Variants in RALGAPA1 observed in about 807,000 individuals in gnomAD.
The protein encoded by RALGAPA1 is Ral GTPase activating protein catalytic subunit alpha 1.
In RALGAPA1, 52 loss-of-function variants were observed where a neutral mutation model predicts 269.6. That is an observed-to-expected ratio of 0.19 (90% CI 0.15 to 0.24). The LOEUF is 0.24. RALGAPA1 is among the 10% of genes least tolerant of loss of function. The pLI is 1.00. For synonymous variants in RALGAPA1, 817 were observed against 1,008.3 expected (o/e 0.81, Z 3.60); for missense variants, 1,917 against 3,013.9 (o/e 0.64, Z 8.52).
chr14:35,592,778 A>G (rs1000054288), intron 37 of RALGAPA1, among the ~76,000 whole-genome samples: 1 of 152,234 alleles, frequency 6.6e-6, no homozygotes, highest in Non-Finnish European at 1.5e-5. Flanking sequence ...TTGACGTAGA[A>G]AAAGCATTCA....
rs1050653784 is a variant in RALGAPA1, at chr14:35,688,701, G to C, written c.3710C>G (p.Thr1237Ser). 2 of 1,478,338 alleles carry C rather than the reference G, an allele frequency of 1.4e-6. No homozygotes were observed. Among genetic ancestry groups the C allele is most frequent in the East Asian group, 2.5e-5 (1 of 40,634 alleles). 91.6% of individuals were successfully genotyped at this position (1,478,338 alleles called of 1,614,324 possible). Residue 1237 changes from threonine (T) to serine (S), a missense_variant, in exon 18 of 42, where the codon ACC (threonine) becomes AGC (serine). This residue lies in a region of RALGAPA1 where 615 missense variants were observed against 790.0 expected (regional missense o/e 0.78). Transcript: ENST00000680220. ...TVKESTEIPTTILQKEGIASS... is the reference protein window; with the variant it reads ...TVKESTEIPTSILQKEGIASS... The stretch of plus-strand genomic sequence containing the variant: ...TGCAATTCCTTCTTTTTGTAATATG[G>C]TGGTGGGAATCTCTGTGGATTCCTT...
At chr14:35,762,642 G>T in intron 5 of RALGAPA1, 68 bp downstream of exon 5, 1 of 881,924 alleles carries the variant, frequency 1.1e-6, no homozygotes, top group Non-Finnish European at 1.9e-6. Context: ...GGTAGGAAAA[G>T]TGTTAACAGG....
chr14:35,736,388 C>T (rs989363522), intron 12 of RALGAPA1, among the ~76,000 whole-genome samples: 1 of 152,096 alleles, frequency 6.6e-6, no homozygotes, highest in East Asian at 1.9e-4. Flanking sequence ...TCCTAGACTA[C>T]ATATAAAAAT....
intron 14 of RALGAPA1, chr14:35,723,612 G>C: frequency 6.3e-6 from 1 of 157,696 alleles, no homozygotes; most frequent in Non-Finnish European, 1.4e-5. Context: ...GAACTAAAAA[G>C]CCAAAACCTA....
Position 35,774,991 on chromosome 14 carries a change from T to A in RALGAPA1, c.267+15A>T. The A allele has an allele frequency of 1.3e-6, 2 of 1,524,080 alleles. No homozygotes were observed. Among genetic ancestry groups the A allele is most frequent in the Non-Finnish European group, 1.8e-6 (2 of 1,108,678 alleles). The allele number at this position is 1,524,080 out of a possible 1,614,324, so 94.4% of individuals were successfully genotyped here. A position where few individuals can be genotyped will look rare whatever the true frequency, so the allele number is the denominator to read the frequency against. On this transcript the variant is annotated intron_variant, in intron 3 of 41. Coordinates refer to ENST00000680220, the MANE Select transcript of RALGAPA1 (RefSeq NM_001346249.2). ...ATTTTTGAAAAAGGGAAAAGTTAGGTTCAGAAGCACTTACCTCAAAAATAA... is the reference window on the plus strand; with the variant it reads ...ATTTTTGAAAAAGGGAAAAGTTAGGATCAGAAGCACTTACCTCAAAAATAA...
In RALGAPA1 at chr14:35,572,602, C is replaced by A. The variant is rs1162983623; in HGVS notation, c.7326G>T (p.Met2442Ile). ...FGDVLIVIYP[M>I]KNHMFSIQIM... The stretch of plus-strand genomic sequence containing the variant: ...TCTGAATACTGAACATGTGATTTTT[C>A]ATTGGATATATTACAATAAGGACAT... The change falls in exon 38 of 42, where the codon ATG becomes ATT. Residue 2442 changes from methionine (M) to isoleucine (I), a missense_variant. Coordinates refer to ENST00000680220, the MANE Select transcript of RALGAPA1 (RefSeq NM_001346249.2). The A allele has an allele frequency of 1.9e-6, 3 of 1,606,850 alleles. No homozygotes were observed. The highest frequency in any genetic ancestry group is 2.5e-6 in the Non-Finnish European group (3 of 1,176,824).
chr14:35,610,289 T>A (rs920491582), intron 35 of RALGAPA1, among the ~76,000 whole-genome samples: 7 of 150,578 alleles, frequency 4.6e-5, no homozygotes, highest in Non-Finnish European at 8.9e-5. Context: ...TTTTTTTCTT[T>A]TTTTTTTTTT....
intron 1 of RALGAPA1, among the ~76,000 whole-genome samples, chr14:35,806,865 A>G (rs983583943): frequency 9.2e-5 from 14 of 152,200 alleles, no homozygotes; most frequent in African/African-American, 3.4e-4. Context: ...ACTTTCTCTC[A>G]TTCATTTTCT....
intron 35 of RALGAPA1, among the ~76,000 whole-genome samples, chr14:35,609,307 A>T (rs1487346258): frequency 6.6e-6 from 1 of 152,158 alleles, no homozygotes; most frequent in African/African-American, 2.4e-5. Context: ...TATATTTTTT[A>T]TCCACAATGG....
intron 30 of RALGAPA1, among the ~76,000 whole-genome samples, chr14:35,652,433 A>T (rs1464369653): frequency 6.6e-6 from 1 of 151,088 alleles, no homozygotes; most frequent in Non-Finnish European, 1.5e-5. Flanking sequence ...TTATTTATTT[A>T]TTTTTTTGAG....
intron 1 of RALGAPA1, among the ~76,000 whole-genome samples, chr14:35,792,314 G>A (rs545107977): frequency 3.3e-5 from 5 of 152,054 alleles, no homozygotes; most frequent in Non-Finnish European, 5.9e-5. Flanking sequence ...CTGCCACCAC[G>A]CCCAGCTAAT....
chr14:35,728,471 G>T lies in RALGAPA1; in HGVS notation c.1627C>A (p.Pro543Thr). Residue 543 changes from proline (P) to threonine (T), a missense_variant, in exon 13 of 42, where the codon CCT becomes ACT. By Grantham distance (38) the Pro-to-Thr change is conservative. Around this residue, in one of 11 missense-constraint regions of RALGAPA1, gnomAD observed 462 missense variants for 725.6 expected, o/e 0.64. Coordinates refer to ENST00000680220, the MANE Select transcript of RALGAPA1 (RefSeq NM_001346249.2). ...INSSNIFLLE[P>T]ANEIKNLLDE... Reference sequence around the variant, plus strand: ...AGAAGATTTTTTATTTCATTTGCAGGTTCAAGAAGAAATATATTTGATGAG... The same window carrying T: ...AGAAGATTTTTTATTTCATTTGCAGTTTCAAGAAGAAATATATTTGATGAG... The T allele has an allele frequency of 6.2e-7, 1 of 1,606,390 alleles. No individual in the cohort carries two copies. The highest frequency in any genetic ancestry group is 8.5e-7 in the Non-Finnish European group (1 of 1,177,296).
rs33911524 is a variant in RALGAPA1 at position 35,793,595 on chromosome 14, A to AACACACAC, written c.106+15127_106+15134dup. 1.5e-4 allele frequency among the ~76,000 whole-genome samples: 22 copies of AACACACAC among 150,218 alleles called. 1 individual carries two copies. Among genetic ancestry groups the AACACACAC allele is most frequent in the African/African-American group, 5.1e-4 (21 of 40,944 alleles). On this transcript the variant is annotated intron_variant, in intron 1 of 41. Coordinates refer to ENST00000680220, the MANE Select transcript of RALGAPA1 (RefSeq NM_001346249.2). ...AGAAGAGACATTAGATACACACACA[A>AACACACAC]ACACACACACACACACACAGTGAAT...
At chr14:35,659,292 C>CCTG in intron 27 of RALGAPA1, 96 bp from the exon 28 acceptor site, 1 of 794,012 alleles carries the variant, frequency 1.3e-6, no homozygotes, top group South Asian at 1.9e-5. Context: ...AGTCTTTGTT[C>CCTG]TCATGTATGT....
intron 1 of RALGAPA1, among the ~76,000 whole-genome samples, chr14:35,795,399 A>G (rs896401680): frequency 6.6e-6 from 1 of 152,172 alleles, no homozygotes; most frequent in East Asian, 1.9e-4. Flanking sequence ...TATACTTATG[A>G]GGAAACTACC....
chr14:35,808,177 C>T (rs889272460), intron 1 of RALGAPA1, among the ~76,000 whole-genome samples: 6 of 152,104 alleles, frequency 3.9e-5, no homozygotes, highest in Non-Finnish European at 7.4e-5. Flanking sequence ...ATGAGTTAAA[C>T]TACCTATAAT....
At position 35,595,568 on chromosome 14, in the gene RALGAPA1, C is replaced by T. The variant is rs765824590; in HGVS notation, c.7209+66G>A. 1.8e-4 allele frequency: 239 copies of T among 1,364,162 alleles called. 1 individual carries two copies. Among genetic ancestry groups the T allele is most frequent in the Middle Eastern group, 1.3e-3 (5 of 3,954 alleles). 84.5% of individuals were successfully genotyped at this position (1,364,162 alleles called of 1,614,324 possible). On this transcript the variant is annotated intron_variant, in intron 37 of 41. Coordinates refer to ENST00000680220, the MANE Select transcript of RALGAPA1 (RefSeq NM_001346249.2). ...CTTGATCAATTCGATTTCTTACTTA[C>T]GTATTTTCTGTATTAACTGTCTCAA...
At chr14:35,612,797 T>C (rs903719599) in intron 35 of RALGAPA1, among the ~76,000 whole-genome samples, 2 of 151,980 alleles carry the variant, frequency 1.3e-5, no homozygotes, top group South Asian at 2.1e-4. Flanking sequence ...CTTGGCCTCC[T>C]AAAGTGCGGG....
chr14:35,614,760 G>T (rs2060146852), intron 35 of RALGAPA1, among the ~76,000 whole-genome samples: 1 of 152,006 alleles, frequency 6.6e-6, no homozygotes, highest in African/African-American at 2.4e-5. Flanking sequence ...TCTATTAAGT[G>T]TAAATTCTAA....
Sources: allele counts gnomAD v4.1 joint callset (sites outside exome capture counted in the v4.1 genomes callset), GRCh38; gene constraint gnomAD v4.1.1; regional missense constraint gnomAD v4.1.1; transcripts MANE v1.5; gene names NCBI Gene and HGNC (gene_info 2026-07-23, HGNC 2026-07-21).